USP50: variants seen among roughly 807,000 people sequenced by gnomAD.
USP50 encodes ubiquitin carboxyl-terminal hydrolase 50.
Under a neutral mutation model 39.2 loss-of-function variants are expected in USP50, and 37 were observed. The observed-to-expected ratio is 0.94, with a 90% CI of 0.73 to 1.24. USP50 has a LOEUF of 1.24. USP50 is among the 50% of genes most tolerant of loss of function. The pLI is 0.00. For synonymous variants in USP50, 139 were observed against 144.5 expected (o/e 0.96, Z 0.27); for missense variants, 374 against 398.2 (o/e 0.94, Z 0.52).
intron 6 of USP50, among the ~76,000 whole-genome samples, chr15:50,522,614 T>C (rs1049763972): frequency 1.3e-5 from 2 of 152,146 alleles, no homozygotes; most frequent in African/African-American, 2.4e-5. Context: ...TGAACATAGA[T>C]GCAAAAATCC....
At chr15:50,498,690 A>G, downstream of USP50, 3 of 1,612,452 alleles carry the variant, frequency 1.9e-6, no homozygotes, top group Non-Finnish European at 2.5e-6. Context: ...TATTGGTCCA[A>G]AGAACAATTT....
chr15:50,496,963 G>C (rs2052438381), downstream of USP50: 2 of 1,234,922 alleles, frequency 1.6e-6, no homozygotes, highest in Non-Finnish European at 2.2e-6. Context: ...TGGGAAGGCA[G>C]GAACTCTTTT....
chr15:50,540,335 A>G (rs1402895883), intron 4 of USP50, among the ~76,000 whole-genome samples: 1 of 152,336 alleles, frequency 6.6e-6, no homozygotes, highest in East Asian at 1.9e-4. Context: ...AGTCCAAAAT[A>G]TAAGAGCTCA....
chr15:50,500,231 T>TA (rs1328197365), downstream of USP50: 2 of 152,326 alleles, frequency 1.3e-5, no homozygotes, highest in African/African-American at 4.8e-5. Flanking sequence ...ACTTCTTGGC[T>TA]AAATTATTAT....
chr15:50,493,924 C>A, downstream of USP50: 1 of 969,034 alleles, frequency 1.0e-6, no homozygotes. Flanking sequence ...AGATGAGAAT[C>A]TGGTGGTGAG....
chr15:50,518,696 C>T (rs545469447), intron 6 of USP50, among the ~76,000 whole-genome samples: 150 of 150,276 alleles, frequency 1.0e-3, no homozygotes, highest in African/African-American at 3.5e-3. Flanking sequence ...AGACCTGAAA[C>T]GATAAAACTA....
At chr15:50,515,115 G>A (rs189193824) in intron 6 of USP50, among the ~76,000 whole-genome samples, 26 of 150,590 alleles carry the variant, frequency 1.7e-4, no homozygotes, top group Middle Eastern at 3.4e-3. Context: ...CAAGAAAAAC[G>A]AAATTCCAAG....
downstream of USP50, chr15:50,496,138 A>G (rs2052392003): frequency 1.4e-6 from 2 of 1,392,228 alleles, no homozygotes; most frequent in Admixed American, 2.0e-5. Flanking sequence ...TGCTGTTTTT[A>G]TGGATATAGA....
chr15:50,517,865 T>G lies in USP50; in HGVS notation c.936+11932A>C, dbSNP rs538392708. 1.3e-4 allele frequency among the ~76,000 whole-genome samples: 20 copies of G among 152,242 alleles called. 1 individual carries two copies. The highest frequency in any genetic ancestry group is 4.8e-4 in the African/African-American group (20 of 41,542). ...TCCCAAGTAGCTGCAACTACAGGTA[T>G]GTGCCACTATGTCTAGGTAATTTTT... On this transcript the variant is annotated intron_variant, in intron 6 of 6. Transcript: ENST00000532404.
At chr15:50,515,568 C>G (rs1458510773) in intron 6 of USP50, among the ~76,000 whole-genome samples, 1 of 151,646 alleles carries the variant, frequency 6.6e-6, no homozygotes, top group Non-Finnish European at 1.5e-5. Context: ...ATAAGACTGA[C>G]CCCCAAAACA....
chr15:50,545,856 G>C (rs2053066989), intron 1 of USP50, among the ~76,000 whole-genome samples: 1 of 151,720 alleles, frequency 6.6e-6, no homozygotes, highest in African/African-American at 2.4e-5. Context: ...CTGCCTGATA[G>C]GATGGTTGTG....
chr15:50,533,763 G>T (rs1300728087), intron 5 of USP50, among the ~76,000 whole-genome samples: 1 of 152,314 alleles, frequency 6.6e-6, no homozygotes, highest in African/African-American at 2.4e-5. Flanking sequence ...TACTTTGGGA[G>T]GCCAAGGCAG....
intron 6 of USP50, chr15:50,505,899 T>G (rs574670890): frequency 1.6e-4 from 25 of 152,390 alleles, no homozygotes; most frequent in African/African-American, 5.8e-4. Flanking sequence ...AAAACTGTAG[T>G]GAGCTATGAT....
At chr15:50,538,415 A>C (rs898533331) in intron 5 of USP50, among the ~76,000 whole-genome samples, 8 of 151,988 alleles carry the variant, frequency 5.3e-5, no homozygotes, top group Non-Finnish European at 7.4e-5. Flanking sequence ...AGGAATGTGG[A>C]GTTACTAAAG....
At chr15:50,539,856 C>T (rs888310653) in intron 4 of USP50, among the ~76,000 whole-genome samples, 1 of 152,164 alleles carries the variant, frequency 6.6e-6, no homozygotes, top group African/African-American at 2.4e-5. Flanking sequence ...AATTAGACCC[C>T]ATATCCATAG....
intron 6 of USP50, 80 bp downstream of exon 6, chr15:50,529,717 A>T: frequency 6.7e-7 from 1 of 1,485,458 alleles, no homozygotes; most frequent in Non-Finnish European, 9.1e-7. Context: ...AGGGAGAGAC[A>T]GGAGAAATAG....
intron 6 of USP50, among the ~76,000 whole-genome samples, chr15:50,515,163 A>G (rs1460438395): frequency 6.6e-6 from 1 of 152,110 alleles, no homozygotes; most frequent in Non-Finnish European, 1.5e-5. Context: ...CCAGATTTTC[A>G]AGAAACAGAT....
intron 6 of USP50, chr15:50,509,684 A>G (rs2052713966): frequency 6.6e-6 from 1 of 152,102 alleles, no homozygotes; most frequent in South Asian, 2.1e-4. Flanking sequence ...TAAAAAAGAG[A>G]CAAGTCAACG....
chr15:50,501,648 T>A (rs1487795461), intron 6 of USP50: 1 of 152,052 alleles, frequency 6.6e-6, no homozygotes, highest in Admixed American at 6.6e-5. Flanking sequence ...GTACAAAAAA[T>A]AATGTATCTC....
Sources: allele counts gnomAD v4.1 joint callset (sites outside exome capture counted in the v4.1 genomes callset), GRCh38; gene constraint gnomAD v4.1.1; transcripts MANE v1.5; gene names NCBI Gene and HGNC (gene_info 2026-07-23, HGNC 2026-07-21).